Variants in UBE2D2 observed in about 807,000 individuals in gnomAD.
UBE2D2 encodes the protein ubiquitin-conjugating enzyme E2 D2.
UBE2D2 carries 2 observed loss-of-function variants against 24.2 expected under a neutral mutation model. That is an observed-to-expected ratio of 0.08 (90% CI 0.03 to 0.26). The LOEUF is 0.26. UBE2D2 is among the 10% of genes least tolerant of loss of function. UBE2D2 has a pLI of 1.00. For synonymous variants in UBE2D2, 58 were observed against 56.5 expected, an observed-to-expected ratio of 1.03 and a Z score of -0.12; for missense variants, 44 against 177.6, an observed-to-expected ratio of 0.25 and a Z score of 4.28.
upstream of UBE2D2, among the ~76,000 whole-genome samples, chr5:139,557,001 A>C (rs112202901): frequency 0.063 from 9,292 of 146,394 alleles, 328 homozygotes; most frequent in South Asian, 0.11. Context: ...TGCCCAGCTA[A>C]TTTTTGTATT....
chr5:139,530,205 C>T (rs1487840743), intron 1 of UBE2D2, among the ~76,000 whole-genome samples: 1 of 152,264 alleles, frequency 6.6e-6, no homozygotes, highest in East Asian at 1.9e-4. Flanking sequence ...ACTGTTTGGG[C>T]CCACCCAGAA....
At chr5:139,572,707 G>A (rs942406873) in intron 1 of UBE2D2, among the ~76,000 whole-genome samples, 14 of 149,444 alleles carry the variant, frequency 9.4e-5, no homozygotes, top group Admixed American at 2.0e-4. Flanking sequence ...GTGCAATGGC[G>A]TGATCTCAGC....
intron 1 of UBE2D2, among the ~76,000 whole-genome samples, chr5:139,545,941 G>A (rs1752821114): frequency 6.6e-6 from 1 of 151,706 alleles, no homozygotes; most frequent in South Asian, 2.1e-4. Context: ...TGGCCAGGCT[G>A]GTCTCGAACT....
chr5:139,534,841 T>C (rs981999636), intron 1 of UBE2D2, among the ~76,000 whole-genome samples: 3 of 151,994 alleles, frequency 2.0e-5, no homozygotes, highest in African/African-American at 7.2e-5. Context: ...ATATTGAATA[T>C]CTGAAAATAA....
In UBE2D2 at chr5:139,546,625, G is replaced by A. The variant is rs533223628; in HGVS notation, c.-64+20013G>A. ...AGCCCCATGTGTAGCTGGGATTACAGGCATGCACCACCACGCCCAGCTAAT... is the reference window on the plus strand; with the variant it reads ...AGCCCCATGTGTAGCTGGGATTACAAGCATGCACCACCACGCCCAGCTAAT... On this transcript the variant is annotated intron_variant, in intron 1 of 6. Coordinates refer to the UBE2D2 transcript ENST00000511725. Among the ~76,000 whole-genome samples, 4 of 152,062 alleles carry A rather than the reference G, an allele frequency of 2.6e-5. No individual in the cohort carries two copies. In the South Asian group the frequency reaches 8.3e-4, roughly 32 times the overall value.
chr5:139,582,359 T>A (rs1268467613), intron 1 of UBE2D2, among the ~76,000 whole-genome samples: 1 of 151,822 alleles, frequency 6.6e-6, no homozygotes, highest in Non-Finnish European at 1.5e-5. Flanking sequence ...GCTTCCTGGT[T>A]TCAGGTGACG....
intron 1 of UBE2D2, among the ~76,000 whole-genome samples, chr5:139,565,155 A>G (rs1209429896): frequency 6.6e-6 from 1 of 152,218 alleles, no homozygotes; most frequent in African/African-American, 2.4e-5. Context: ...CTGGGTTCTG[A>G]TAAGATTTTT....
chr5:139,528,488 A>G (rs900899344), intron 1 of UBE2D2, among the ~76,000 whole-genome samples: 2 of 152,222 alleles, frequency 1.3e-5, no homozygotes, highest in Admixed American at 1.3e-4. Context: ...CCAGTGGCCT[A>G]TCTCTCAAAA....
intron 2 of UBE2D2, chr5:139,612,249 GTT>G (rs1754338101): frequency 6.5e-6 from 1 of 152,776 alleles, no homozygotes; most frequent in African/African-American, 2.4e-5. Flanking sequence ...GATGAGATCT[GTT>G]TTCACAGAGT....
chr5:139,585,769 G>C (rs969601474), intron 1 of UBE2D2, among the ~76,000 whole-genome samples: 1 of 151,822 alleles, frequency 6.6e-6, no homozygotes, highest in African/African-American at 2.4e-5. Flanking sequence ...TAAAGGGGTA[G>C]AGAAGAGTTT....
Position 139,561,691 on chromosome 5 carries a change from C to T in UBE2D2, c.-101C>T. On this transcript the variant is annotated 5_prime_UTR_variant, in exon 1 of 7. Coordinates refer to ENST00000398733, the MANE Select transcript of UBE2D2 (RefSeq NM_003339.3). ...TCCTCAACTCTCCATCTTCTCCTGC[C>T]GACCGAGATCGCCGAGGCGGCCTCA... The T allele has an allele frequency of 3.2e-6, 3 of 928,962 alleles. 1 individual carries two copies. The highest frequency in any genetic ancestry group is 1.5e-6 in the Non-Finnish European group (1 of 655,902). 57.5% of individuals were successfully genotyped at this position (928,962 alleles called of 1,614,324 possible).
chr5:139,543,411 G>A (rs1752783178), intron 1 of UBE2D2, among the ~76,000 whole-genome samples: 1 of 152,118 alleles, frequency 6.6e-6, no homozygotes, highest in Non-Finnish European at 1.5e-5. Context: ...CCATCTCTTT[G>A]GCCATTCTGC....
chr5:139,553,754 A>G (rs2126640844), intron 1 of UBE2D2, among the ~76,000 whole-genome samples: 1 of 152,196 alleles, frequency 6.6e-6, no homozygotes, highest in African/African-American at 2.4e-5. Context: ...TAAATCTTTA[A>G]TGTTTGGTTC....
chr5:139,547,915 G>A (rs1471313027), intron 1 of UBE2D2, among the ~76,000 whole-genome samples: 1 of 151,546 alleles, frequency 6.6e-6, no homozygotes, highest in East Asian at 2.0e-4. Context: ...GGCTGGTCTC[G>A]AACTCCCCAC....
chr5:139,539,035 T>C lies in UBE2D2; in HGVS notation c.-64+12423T>C, dbSNP rs562628700. 4.1e-4 allele frequency among the ~76,000 whole-genome samples: 62 copies of C among 152,060 alleles called. 1 individual carries two copies. The highest frequency in any genetic ancestry group is 3.4e-3 in the Admixed American group (52 of 15,254). ...ACGTGACTGAGAAAAGTCAATCTCTTTTTTTTTGAGATGGCGTCTCGCTCT... is the reference window on the plus strand; with the variant it reads ...ACGTGACTGAGAAAAGTCAATCTCTCTTTTTTTGAGATGGCGTCTCGCTCT... On this transcript the variant is annotated intron_variant, in intron 1 of 6. Coordinates refer to the UBE2D2 transcript ENST00000511725.
Position 139,561,711 on chromosome 5 carries a change from G to A in UBE2D2, c.-81G>A, listed in dbSNP as rs1302370332. The A allele has an allele frequency of 5.3e-6, 6 of 1,142,322 alleles. No homozygotes were observed. Among genetic ancestry groups the A allele is most frequent in the Non-Finnish European group, 7.1e-6 (6 of 840,418 alleles). 70.8% of individuals were successfully genotyped at this position (1,142,322 alleles called of 1,614,324 possible). A position where few individuals can be genotyped will look rare whatever the true frequency, so the allele number is the denominator to read the frequency against. On this transcript the variant is annotated 5_prime_UTR_variant, in exon 1 of 7. Transcript: ENST00000398733. ...CCTGCCGACCGAGATCGCCGAGGCG[G>A]CCTCAGGCTCCCTAGCCCCTTCCCC...
chr5:139,546,655 G>A (rs551161864), intron 1 of UBE2D2, among the ~76,000 whole-genome samples: 3 of 151,086 alleles, frequency 2.0e-5, no homozygotes, highest in African/African-American at 7.3e-5. Flanking sequence ...GCTAATTTTT[G>A]TATTTTTTAA....
At chr5:139,532,780 C>A (rs1581477733) in intron 1 of UBE2D2, among the ~76,000 whole-genome samples, 3 of 152,034 alleles carry the variant, frequency 2.0e-5, no homozygotes, top group South Asian at 2.1e-4. Flanking sequence ...AACCTCCATG[C>A]CTTGCCCTAT....
At chr5:139,540,135 T>C (rs983303769) in intron 1 of UBE2D2, among the ~76,000 whole-genome samples, 9 of 152,022 alleles carry the variant, frequency 5.9e-5, no homozygotes, top group Non-Finnish European at 4.4e-5. Context: ...GCCAGGCTGG[T>C]CGCAAACTCC....
Sources: gnomAD v4.1 joint callset for allele counts (sites outside exome capture counted in the v4.1 genomes callset) on GRCh38, gnomAD v4.1.1 for gene constraint, MANE v1.5 for transcripts, NCBI Gene and HGNC (gene_info 2026-07-23, HGNC 2026-07-21) for gene names.